AGAP1: variants seen among roughly 807,000 people sequenced by gnomAD.
AGAP1 encodes the protein ArfGAP with GTPase domain, ankyrin repeat and PH domain 1.
In AGAP1, 29 loss-of-function variants were observed where a neutral mutation model predicts 105.3. That is an observed-to-expected ratio of 0.28 (90% CI 0.21 to 0.38). AGAP1 has a LOEUF of 0.38. Among genes scored for constraint, AGAP1 ranks in the 10% least tolerant of loss-of-function variants. The probability of loss-of-function intolerance (pLI) is 1.00; values close to 1 mark genes in which losing one functional copy is unlikely to be tolerated. For missense variants in AGAP1, 998 were observed against 1,165.1 expected, an observed-to-expected ratio of 0.86 and a Z score of 2.09; for synonymous variants, 509 against 485.9, an observed-to-expected ratio of 1.05 and a Z score of -0.63.
At chr2:235,749,516 A>G (rs1235905369) in intron 5 of AGAP1, among the ~76,000 whole-genome samples, 3 of 152,036 alleles carry the variant, frequency 2.0e-5, no homozygotes, top group African/African-American at 7.2e-5. Context: ...GGGGTCCATC[A>G]AAACCTCAGG....
At position 235,639,274 on chromosome 2, in the gene AGAP1, C is replaced by T. The variant is rs1947113131; in HGVS notation, c.164-69905C>T. Among the ~76,000 whole-genome samples, 1 of 152,088 alleles carries T rather than the reference C, an allele frequency of 6.6e-6. No homozygotes were observed. Among genetic ancestry groups the T allele is most frequent in the African/African-American group, 2.4e-5 (1 of 41,410 alleles). The stretch of plus-strand genomic sequence containing the variant: ...AGTAGGCTGTTGGGTGAGTGGTTCT[C>T]AAGCTCAGAGCTGAGCTGGGGGCAT... On this transcript the variant is annotated intron_variant, in intron 1 of 17. Coordinates refer to ENST00000304032, the MANE Select transcript of AGAP1 (RefSeq NM_001037131.3). This position sits in a 1 kb window ranked among gnomAD's most constrained non-coding sequence, Gnocchi z 5.3.
intron 13 of AGAP1, among the ~76,000 whole-genome samples, chr2:236,031,707 T>G (rs1189861343): frequency 6.6e-6 from 1 of 152,122 alleles, no homozygotes; most frequent in Non-Finnish European, 1.5e-5. Flanking sequence ...ATCTTCCACT[T>G]GCAGGGTCTC....
rs1175256210 is a variant in AGAP1, at chr2:235,777,816, G to C, written c.674-19943G>C. ...AATTGACTCAGTTGACACATACAGAGATAGAACAAATATGGCAAAGGACTT... is the reference window on the plus strand; with the variant it reads ...AATTGACTCAGTTGACACATACAGACATAGAACAAATATGGCAAAGGACTT... On this transcript the variant is annotated intron_variant, in intron 6 of 17. Transcript: ENST00000304032. This position sits in a 1 kb window ranked among gnomAD's most constrained non-coding sequence, Gnocchi z 5.1. 1.3e-5 allele frequency among the ~76,000 whole-genome samples: 2 copies of C among 152,300 alleles called. No individual in the cohort carries two copies. The highest frequency in any genetic ancestry group is 1.3e-4 in the Admixed American group (2 of 15,296).
At chr2:235,851,305 AC>A (rs2106451275) in intron 9 of AGAP1, among the ~76,000 whole-genome samples, 1 of 152,260 alleles carries the variant, frequency 6.6e-6, no homozygotes, top group Non-Finnish European at 1.5e-5. Flanking sequence ...ACGTGGCTCC[AC>A]TACAGACATG....
In AGAP1 at chr2:235,976,367, C is replaced by T. The variant is rs114964083; in HGVS notation, c.1645+7744C>T. On this transcript the variant is annotated intron_variant, in intron 13 of 17. Coordinates refer to ENST00000304032, the MANE Select transcript of AGAP1 (RefSeq NM_001037131.3). This position sits in a 1 kb window ranked among gnomAD's most constrained non-coding sequence, Gnocchi z 4.5. ...AAAAGCCATCCTGCAGGGTACAGTC[C>T]GGCCGCCACAAACACACACAAGCAG... is the stretch of plus-strand genomic sequence containing the variant. Among the ~76,000 whole-genome samples, 1,040 of 152,178 alleles carry T rather than the reference C, an allele frequency of 6.8e-3. 4 individuals are homozygous for T. The highest frequency in any genetic ancestry group is 0.02 in the African/African-American group (847 of 41,524).
intron 1 of AGAP1, among the ~76,000 whole-genome samples, chr2:235,537,161 T>G (rs1175139049): frequency 6.6e-6 from 1 of 152,156 alleles, no homozygotes; most frequent in East Asian, 1.9e-4. Context: ...TAAGCACAAT[T>G]TAGTAAAACA....
chr2:235,504,086 G>T (rs1251021807), intron 1 of AGAP1, among the ~76,000 whole-genome samples: 1 of 151,836 alleles, frequency 6.6e-6, no homozygotes, highest in Non-Finnish European at 1.5e-5. Flanking sequence ...GTCTCGCTAT[G>T]TTGCCTTGGC....
chr2:235,656,208 CAG>C (rs1947765686), intron 1 of AGAP1, among the ~76,000 whole-genome samples: 1 of 152,136 alleles, frequency 6.6e-6, no homozygotes, highest in South Asian at 2.1e-4. Flanking sequence ...TTGATGGAGA[CAG>C]ATATTCGGGT....
intron 13 of AGAP1, among the ~76,000 whole-genome samples, chr2:236,007,522 A>T (rs1357320038): frequency 1.3e-5 from 2 of 152,244 alleles, no homozygotes; most frequent in African/African-American, 4.8e-5. Flanking sequence ...AGCAGTCATT[A>T]CATAATTATA....
rs3768937 is a variant in AGAP1 at position 236,083,713 on chromosome 2, A to T, written c.2114+34432A>T. ...ATATATAGGAAGATTTTTTTTTAAT[A>T]CCTTAAAAATACTGCACATTAAGTC... On this transcript the variant is annotated intron_variant, in intron 16 of 17. Transcript: ENST00000304032. The surrounding 1 kb of genome is among the most constrained non-coding windows in gnomAD (Gnocchi z 5.3). Among the ~76,000 whole-genome samples, 3 of 152,006 alleles carry T rather than the reference A, an allele frequency of 2.0e-5. No individual in the cohort carries two copies. The highest frequency in any genetic ancestry group is 2.9e-5 in the Non-Finnish European group (2 of 68,014).
chr2:235,605,279 T>G (rs1315226885), intron 1 of AGAP1, among the ~76,000 whole-genome samples: 2 of 152,246 alleles, frequency 1.3e-5, no homozygotes, highest in Non-Finnish European at 2.9e-5. Flanking sequence ...CTGAGCTGTT[T>G]TGCATTTCAC....
At chr2:236,111,643 T>G (rs2059645377) in intron 16 of AGAP1, among the ~76,000 whole-genome samples, 1 of 151,830 alleles carries the variant, frequency 6.6e-6, no homozygotes, top group African/African-American at 2.4e-5. Flanking sequence ...GTACAAAAAA[T>G]TAGCCAAGCA....
Position 235,566,464 on chromosome 2 carries a change from A to T in AGAP1, c.163+71615A>T, listed in dbSNP as rs931078010. ...ATTAACTCGAGATCAATATTGATTT[A>T]CTGTTTTGTTTTTTTATTTCCAGAT... On this transcript the variant is annotated intron_variant, in intron 1 of 17. Coordinates refer to ENST00000304032, the MANE Select transcript of AGAP1 (RefSeq NM_001037131.3). The surrounding 1 kb of genome is among the most constrained non-coding windows in gnomAD (Gnocchi z 5.2). The T allele has an allele frequency of 1.8e-6, 1 of 544,340 alleles. No homozygotes were observed. Among genetic ancestry groups the T allele is most frequent in the African/African-American group, 2.1e-5 (1 of 48,536 alleles). 33.7% of individuals were successfully genotyped at this position (544,340 alleles called of 1,614,324 possible). A position where few individuals can be genotyped will look rare whatever the true frequency, so the allele number is the denominator to read the frequency against.
At chr2:236,097,035 A>G (rs1001243203) in intron 16 of AGAP1, among the ~76,000 whole-genome samples, 8 of 152,196 alleles carry the variant, frequency 5.3e-5, no homozygotes, top group Admixed American at 2.6e-4. Context: ...GATGGCACCA[A>G]TTCCAAATCT....
chr2:235,678,312 G>A (rs974998487), intron 1 of AGAP1, among the ~76,000 whole-genome samples: 1 of 152,232 alleles, frequency 6.6e-6, no homozygotes, highest in Non-Finnish European at 1.5e-5. Context: ...CTCTGGATGT[G>A]TAATTTGGAA....
At chr2:236,116,853 G>C (rs946757391) in intron 16 of AGAP1, among the ~76,000 whole-genome samples, 6 of 151,608 alleles carry the variant, frequency 4.0e-5, no homozygotes, top group Admixed American at 2.0e-4. Context: ...TGCGATGTTT[G>C]GCTTTCCATT....
In AGAP1 at chr2:235,888,383, C is replaced by T. The variant is rs1007316250; in HGVS notation, c.1155+4934C>T. On this transcript the variant is annotated intron_variant, in intron 10 of 17. Coordinates refer to ENST00000304032, the MANE Select transcript of AGAP1 (RefSeq NM_001037131.3). The surrounding 1 kb of genome is among the most constrained non-coding windows in gnomAD (Gnocchi z 4.8). The stretch of plus-strand genomic sequence containing the variant: ...GTGGGATAGGAGGGTCTAGAAGGCT[C>T]GACTCCCCTCCTAGGGCTGCTCCAC... 5.9e-5 allele frequency among the ~76,000 whole-genome samples: 9 copies of T among 151,948 alleles called. No homozygotes were observed. Among genetic ancestry groups the T allele is most frequent in the African/African-American group, 1.9e-4 (8 of 41,370 alleles).
chr2:235,537,103 A>G (rs1225328221), intron 1 of AGAP1, among the ~76,000 whole-genome samples: 2 of 152,260 alleles, frequency 1.3e-5, no homozygotes, highest in Non-Finnish European at 2.9e-5. Context: ...ACTCAAACGC[A>G]TCTTCACAGA....
At chr2:235,995,484 A>C (rs187640306) in intron 13 of AGAP1, among the ~76,000 whole-genome samples, 1 of 152,330 alleles carries the variant, frequency 6.6e-6, no homozygotes, top group Non-Finnish European at 1.5e-5. Flanking sequence ...ACTGCACTTA[A>C]GCCTTGGTGA....
Sources: gnomAD v4.1 joint callset for allele counts (sites outside exome capture counted in the v4.1 genomes callset) on GRCh38, gnomAD v4.1.1 for gene constraint, Gnocchi (gnomAD v3.1) non-coding constraint, MANE v1.5 for transcripts, NCBI Gene and HGNC (gene_info 2026-07-23, HGNC 2026-07-21) for gene names.